Variants in SLC35F4 observed in about 807,000 individuals in gnomAD.
SLC35F4 encodes solute carrier family 35 member F4, also known as chromosome 14 open reading frame 36.
SLC35F4 carries 24 observed loss-of-function variants against 44.2 expected under a neutral mutation model. The ratio of observed to expected loss-of-function variants is 0.54; its 90% confidence interval spans 0.39 to 0.76. The LOEUF is 0.76. Among genes scored for constraint, SLC35F4 ranks in the 30% least tolerant of loss-of-function variants. The pLI, the probability that SLC35F4 is intolerant of heterozygous loss-of-function variation, is 0.00. For missense variants in SLC35F4, 562 were observed against 586.1 expected (o/e 0.96, Z 0.42); for synonymous variants, 238 against 223.6 (o/e 1.06, Z -0.57).
At chr14:57,781,529 G>A (rs943334894) in intron 1 of SLC35F4, among the ~76,000 whole-genome samples, 3 of 152,130 alleles carry the variant, frequency 2.0e-5, no homozygotes, top group African/African-American at 2.4e-5. Flanking sequence ...GCTAAAAGTG[G>A]AGCTCATATT....
At chr14:57,751,171 T>A (rs1481615702) in intron 1 of SLC35F4, among the ~76,000 whole-genome samples, 2 of 152,198 alleles carry the variant, frequency 1.3e-5, no homozygotes, top group Non-Finnish European at 2.9e-5. Flanking sequence ...AAGAAGGAAC[T>A]AAAGCTTAGG....
At chr14:57,749,292 G>T (rs898052668) in intron 1 of SLC35F4, among the ~76,000 whole-genome samples, 4 of 152,058 alleles carry the variant, frequency 2.6e-5, no homozygotes, top group Non-Finnish European at 5.9e-5. Context: ...GCCACCCAAA[G>T]TATCTGTTAC....
intron 4 of SLC35F4, among the ~76,000 whole-genome samples, chr14:57,576,698 G>A (rs1408934352): frequency 6.6e-6 from 1 of 152,108 alleles, no homozygotes; most frequent in Non-Finnish European, 1.5e-5. Context: ...GGGAAGGGGG[G>A]TACCTTGGAT....
At chr14:57,801,872 C>T (rs7157849) in intron 1 of SLC35F4, among the ~76,000 whole-genome samples, 9,353 of 152,098 alleles carry the variant, frequency 0.061, 551 homozygotes, top group African/African-American at 0.14. Context: ...TAGACTCCCA[C>T]GCAATAATAG....
chr14:57,944,642 A>C (rs949123024), intron 1 of SLC35F4, among the ~76,000 whole-genome samples: 3 of 151,370 alleles, frequency 2.0e-5, no homozygotes, highest in African/African-American at 7.3e-5. Context: ...AAAAAAGAAA[A>C]GAGGCAGGAA....
intron 1 of SLC35F4, among the ~76,000 whole-genome samples, chr14:57,720,979 CATATATATATATAT>C (rs3062932): frequency 1.8e-3 from 89 of 49,812 alleles, no homozygotes; most frequent in African/African-American, 5.3e-3. Flanking sequence ...ATAAACTCCT[CATATATATATATAT>C]ATATATATAT....
chr14:57,858,773 G>A (rs962571695), intron 1 of SLC35F4, among the ~76,000 whole-genome samples: 5 of 150,742 alleles, frequency 3.3e-5, no homozygotes, highest in African/African-American at 9.9e-5. Context: ...ACCAGAGTGT[G>A]CGAAGATCAT....
chr14:57,891,562 T>G (rs1481127750), intron 1 of SLC35F4, among the ~76,000 whole-genome samples: 1 of 152,094 alleles, frequency 6.6e-6, no homozygotes, highest in Admixed American at 6.6e-5. Context: ...ACAGTAAATT[T>G]TAAATTTGAC....
chr14:57,738,446 T>C (rs2076518772), intron 1 of SLC35F4, among the ~76,000 whole-genome samples: 1 of 152,120 alleles, frequency 6.6e-6, no homozygotes. Flanking sequence ...CATTTGATTC[T>C]CACTTCTGTA....
chr14:57,903,358 A>C (rs964823492), intron 1 of SLC35F4, among the ~76,000 whole-genome samples: 2 of 152,154 alleles, frequency 1.3e-5, no homozygotes, highest in Admixed American at 1.3e-4. Flanking sequence ...TCACCTGGGG[A>C]ATATGTGGGA....
intron 1 of SLC35F4, among the ~76,000 whole-genome samples, chr14:57,786,669 G>A (rs1156573671): frequency 2.0e-5 from 3 of 152,142 alleles, no homozygotes; most frequent in Non-Finnish European, 4.4e-5. Context: ...GAGAGACAAC[G>A]ATCACTGCAG....
chr14:57,853,863 A>G (rs1566906390), intron 1 of SLC35F4, among the ~76,000 whole-genome samples: 1 of 152,100 alleles, frequency 6.6e-6, no homozygotes, highest in South Asian at 2.1e-4. Flanking sequence ...CTTCAAACCC[A>G]TGAGAGACTC....
In SLC35F4 at chr14:57,629,711, A is replaced by T. The variant is rs566640678; in HGVS notation, c.104-35587T>A. ...ATTTATTCAAGATCAATACACATAG[A>T]TCTGTATAGTTGCTAGATACATGGG... is the stretch of plus-strand genomic sequence containing the variant. On this transcript the variant is annotated intron_variant, in intron 1 of 7. Transcript: ENST00000556826. 16 of 229,474 alleles carry T rather than the reference A, an allele frequency of 7.0e-5. No individual in the cohort carries two copies. The East Asian group carries it at 1.7e-3, about 25-fold the overall frequency. 14.2% of individuals were successfully genotyped at this position (229,474 alleles called of 1,614,324 possible). A position where few individuals can be genotyped will look rare whatever the true frequency, so the allele number is the denominator to read the frequency against.
chr14:57,964,410 A>ATT (rs1457310940), intron 1 of SLC35F4, among the ~76,000 whole-genome samples: 3 of 150,364 alleles, frequency 2.0e-5, no homozygotes, highest in African/African-American at 7.4e-5. Context: ...CTAAATTTAA[A>ATT]AAAAAAATCA....
intron 1 of SLC35F4, among the ~76,000 whole-genome samples, chr14:57,761,991 A>C (rs139478995): frequency 4.9e-4 from 75 of 152,304 alleles, no homozygotes; most frequent in African/African-American, 1.8e-3. Context: ...GAAAACAAGG[A>C]ATTTGGGAGG....
chr14:57,952,282 G>C (rs1462699647), intron 1 of SLC35F4, among the ~76,000 whole-genome samples: 2 of 152,042 alleles, frequency 1.3e-5, no homozygotes, highest in Non-Finnish European at 2.9e-5. Flanking sequence ...CCCATCTGAA[G>C]GTCACCAGCA....
At chr14:57,983,039 C>T (rs1317008923), upstream of SLC35F4, among the ~76,000 whole-genome samples, 1 of 152,218 alleles carries the variant, frequency 6.6e-6, no homozygotes, top group Non-Finnish European at 1.5e-5. Context: ...GCTGCTCAGG[C>T]TCTGCTATTG....
In SLC35F4 at chr14:57,589,551, G is replaced by A. The variant is rs556485271; in HGVS notation, c.290-38C>T. 11 of 1,537,736 alleles carry A rather than the reference G, an allele frequency of 7.2e-6. No individual in the cohort carries two copies. In the South Asian group the frequency reaches 1.0e-4, roughly 14 times the overall value. ...AAGGAATACAAATGTGAGGAAAGCAGGTTATGAAACAGCAATCAAATATAT... is the reference window on the plus strand; with the variant it reads ...AAGGAATACAAATGTGAGGAAAGCAAGTTATGAAACAGCAATCAAATATAT... On this transcript the variant is annotated intron_variant, in intron 2 of 7. Transcript: ENST00000556826.
chr14:57,624,894 C>A (rs1156985124), intron 1 of SLC35F4, among the ~76,000 whole-genome samples: 4 of 152,110 alleles, frequency 2.6e-5, no homozygotes, highest in African/African-American at 7.2e-5. Context: ...AAAACCGGCA[C>A]AAGACAAGGA....
Sources: allele counts gnomAD v4.1 joint callset (sites outside exome capture counted in the v4.1 genomes callset), GRCh38; gene constraint gnomAD v4.1.1; transcripts MANE v1.5; gene names NCBI Gene and HGNC (gene_info 2026-07-23, HGNC 2026-07-21).